The following CTCF variants were observed in gnomAD, a reference collection of about 807,000 sequenced individuals.
The protein encoded by CTCF is CCCTC-binding factor, also known as transcriptional repressor CTCF.
Under a neutral mutation model 72.3 loss-of-function variants are expected in CTCF, and 7 were observed. That is an observed-to-expected ratio of 0.10 (90% CI 0.06 to 0.18). CTCF has a LOEUF of 0.18. Ranked by LOEUF, CTCF falls within the 10% of genes least tolerant of loss-of-function variation. The pLI is 1.00. For missense variants in CTCF, 516 were observed against 949.1 expected (o/e 0.54, Z 6.00); for synonymous variants, 374 against 315.8 (o/e 1.18, Z -1.95).
chr16:67,565,094 C>T (rs1478795695), intron 1 of CTCF, among the ~76,000 whole-genome samples: 3 of 151,856 alleles, frequency 2.0e-5, no homozygotes, highest in Admixed American at 6.6e-5. Flanking sequence ...CTCTGCCTCC[C>T]GGATTCAAGC....
At chr16:67,631,422 C>A (rs1309824408) in intron 10 of CTCF, among the ~76,000 whole-genome samples, 2 of 151,954 alleles carry the variant, frequency 1.3e-5, no homozygotes, top group Non-Finnish European at 2.9e-5. Context: ...GCCTCGGCCT[C>A]CCAAAGTGCT....
chr16:67,581,847 C>G (rs1189730673), intron 2 of CTCF, among the ~76,000 whole-genome samples: 1 of 152,104 alleles, frequency 6.6e-6, no homozygotes, highest in African/African-American at 2.4e-5. Context: ...GTCATGTTGA[C>G]TGGGCTGATG....
chr16:67,637,894 C>T lies in CTCF; in HGVS notation c.*22C>T. 2 of 1,588,724 alleles carry T rather than the reference C, an allele frequency of 1.3e-6. No homozygotes were observed. Among genetic ancestry groups the T allele is most frequent in the Non-Finnish European group, 1.7e-6 (2 of 1,165,354 alleles). Reference sequence around the variant, plus strand: ...GTGATGGCGGAGCCTTGTGCGTCGCCAGGACTTCTCTGGGCTGTGTTTAAA... The same window carrying T: ...GTGATGGCGGAGCCTTGTGCGTCGCTAGGACTTCTCTGGGCTGTGTTTAAA... On this transcript the variant is annotated 3_prime_UTR_variant, in exon 12 of 12. Coordinates refer to ENST00000264010, the MANE Select transcript of CTCF (RefSeq NM_006565.4).
intron 2 of CTCF, among the ~76,000 whole-genome samples, chr16:67,576,751 G>A (rs1361419356): frequency 6.6e-6 from 1 of 151,762 alleles, no homozygotes; most frequent in Non-Finnish European, 1.5e-5. Flanking sequence ...AGGATGGTCT[G>A]GATCTCCTGA....
At chr16:67,608,464 C>G (rs1194278170) in intron 2 of CTCF, among the ~76,000 whole-genome samples, 1 of 152,030 alleles carries the variant, frequency 6.6e-6, no homozygotes, top group African/African-American at 2.4e-5. Flanking sequence ...TCTACAAACA[C>G]GGCCATTGCA....
intron 4 of CTCF, 61 bp from the exon 5 acceptor site, chr16:67,616,684 G>T: frequency 6.3e-7 from 1 of 1,589,412 alleles, no homozygotes. Context: ...GCCACACATT[G>T]AACTCTGTCA....
chr16:67,576,555 T>C (rs2051500036), intron 2 of CTCF, among the ~76,000 whole-genome samples: 1 of 147,006 alleles, frequency 6.8e-6, no homozygotes, highest in Non-Finnish European at 1.5e-5. Flanking sequence ...AGAATGTTTT[T>C]TTTTTTTTTT....
At chr16:67,591,236 G>T (rs912619305) in intron 2 of CTCF, among the ~76,000 whole-genome samples, 2 of 150,838 alleles carry the variant, frequency 1.3e-5, no homozygotes. Context: ...AGATTGCAGT[G>T]AGCCAAGATC....
chr16:67,622,811 ATTTTTTT>A (rs951749794), intron 7 of CTCF, among the ~76,000 whole-genome samples: 6 of 123,908 alleles, frequency 4.8e-5, no homozygotes, highest in Middle Eastern at 4.5e-3. Flanking sequence ...GCCCGGCTAA[ATTTTTTT>A]TTTTTTTTTT....
At chr16:67,603,082 A>T (rs1425292788) in intron 2 of CTCF, among the ~76,000 whole-genome samples, 8 of 151,974 alleles carry the variant, frequency 5.3e-5, no homozygotes, top group Admixed American at 3.9e-4. Flanking sequence ...ACTGGTTCAA[A>T]TTAAGGTATG....
chr16:67,576,152 AAAAAAAAAAAC>A (rs1476014440), intron 2 of CTCF, among the ~76,000 whole-genome samples: 6 of 151,208 alleles, frequency 4.0e-5, no homozygotes, highest in African/African-American at 1.5e-4. Context: ...AAAAAAAAAA[AAAAAAAAAAAC>A]GGAAGGCTGT....
chr16:67,593,580 C>G lies in CTCF; in HGVS notation c.-9-17244C>G, dbSNP rs547067418. On this transcript the variant is annotated intron_variant, in intron 2 of 11. Coordinates refer to ENST00000264010, the MANE Select transcript of CTCF (RefSeq NM_006565.4). ...TCTTATGATGTCTGAGGGTTCGTATCAACCTCTGTTAGGCCATTTGTTAGG... is the reference window on the plus strand; with the variant it reads ...TCTTATGATGTCTGAGGGTTCGTATGAACCTCTGTTAGGCCATTTGTTAGG... 3.3e-5 allele frequency among the ~76,000 whole-genome samples: 5 copies of G among 152,226 alleles called. No individual in the cohort carries two copies. The South Asian group carries it at 8.3e-4, about 25-fold the overall frequency.
chr16:67,638,643 T>C lies in CTCF; in HGVS notation c.*771T>C, dbSNP rs568758071. ...GACATGCACGTGGCAGATCATGATTTCCAGCCCACGGAGCCAGCATTTGAA... is the reference window on the plus strand; with the variant it reads ...GACATGCACGTGGCAGATCATGATTCCCAGCCCACGGAGCCAGCATTTGAA... On this transcript the variant is annotated 3_prime_UTR_variant, in exon 12 of 12. Coordinates refer to ENST00000264010, the MANE Select transcript of CTCF (RefSeq NM_006565.4). 8.6e-6 allele frequency: 2 copies of C among 232,076 alleles called. No homozygotes were observed. The highest frequency in any genetic ancestry group is 3.6e-4 in the South Asian group (2 of 5,516). 14.4% of individuals were successfully genotyped at this position (232,076 alleles called of 1,614,324 possible). A position where few individuals can be genotyped will look rare whatever the true frequency, so the allele number is the denominator to read the frequency against.
intron 10 of CTCF, among the ~76,000 whole-genome samples, chr16:67,636,331 C>T (rs1371151684): frequency 5.3e-5 from 8 of 150,768 alleles, no homozygotes; most frequent in Admixed American, 6.6e-5. Context: ...GAGATCGTGC[C>T]GCTGCATTCC....
intron 2 of CTCF, among the ~76,000 whole-genome samples, chr16:67,576,257 T>C (rs1390160653): frequency 1.4e-5 from 2 of 146,784 alleles, no homozygotes; most frequent in African/African-American, 5.1e-5. Context: ...GTAAAGAAAA[T>C]CCCAAACTAA....
intron 1 of CTCF, chr16:67,563,337 G>C (rs1001003702): frequency 6.6e-6 from 1 of 152,216 alleles, no homozygotes; most frequent in African/African-American, 2.4e-5. Flanking sequence ...GCTGCTCGGC[G>C]GTCGCTCCCA....
chr16:67,573,807 C>T (rs917409055), intron 2 of CTCF, among the ~76,000 whole-genome samples: 1 of 152,022 alleles, frequency 6.6e-6, no homozygotes, highest in Non-Finnish European at 1.5e-5. Flanking sequence ...CCAAGGTGGG[C>T]AGATTGCAAG....
chr16:67,612,733 G>A (rs1187984725), intron 4 of CTCF, among the ~76,000 whole-genome samples: 1 of 151,674 alleles, frequency 6.6e-6, no homozygotes, highest in Non-Finnish European at 1.5e-5. Flanking sequence ...AGAAGTTGGA[G>A]ACCAGCCTGG....
chr16:67,592,675 A>G (rs1597697075), intron 2 of CTCF, among the ~76,000 whole-genome samples: 1 of 152,334 alleles, frequency 6.6e-6, no homozygotes, highest in East Asian at 1.9e-4. Flanking sequence ...ACTGCACTGC[A>G]GCCTGGGTGA....
Sources: gnomAD v4.1 joint callset for allele counts (sites outside exome capture counted in the v4.1 genomes callset) on GRCh38, gnomAD v4.1.1 for gene constraint, MANE v1.5 for transcripts, NCBI Gene and HGNC (gene_info 2026-07-23, HGNC 2026-07-21) for gene names.